Variants in TAFA1 observed in about 807,000 individuals in gnomAD.
The protein encoded by TAFA1 is chemokine-like protein TAFA-1.
A neutral mutation model predicts 18.5 loss-of-function variants in TAFA1; 4 were observed. The observed-to-expected ratio is 0.22, with a 90% CI of 0.11 to 0.49. The LOEUF (loss-of-function observed/expected upper bound fraction) is 0.49, where lower values mean the gene tolerates loss of function less well. TAFA1 is among the 20% of genes least tolerant of loss of function. The pLI, the probability that TAFA1 is intolerant of heterozygous loss-of-function variation, is 0.98. For synonymous variants in TAFA1, 56 were observed against 55.2 expected, an observed-to-expected ratio of 1.01 and a Z score of -0.06; for missense variants, 147 against 169.0, an observed-to-expected ratio of 0.87 and a Z score of 0.72.
chr3:68,349,836 C>T (rs262222), intron 2 of TAFA1, among the ~76,000 whole-genome samples: 2 of 151,938 alleles, frequency 1.3e-5, no homozygotes, highest in South Asian at 2.1e-4. Flanking sequence ...AGTGGGGATG[C>T]GGAAGGGAGC....
chr3:68,210,071 A>G (rs2066576871), intron 2 of TAFA1, among the ~76,000 whole-genome samples: 1 of 151,980 alleles, frequency 6.6e-6, no homozygotes, highest in South Asian at 2.1e-4. Context: ...GAGAAAGAGA[A>G]AAGGAGAAAA....
At chr3:68,038,749 C>T (rs1705104918) in intron 2 of TAFA1, among the ~76,000 whole-genome samples, 3 of 151,974 alleles carry the variant, frequency 2.0e-5, no homozygotes, top group African/African-American at 7.3e-5. Flanking sequence ...GGAAGATAAA[C>T]AACAACCCTA....
chr3:68,024,805 G>GCACAACA (rs1553546129), intron 2 of TAFA1, among the ~76,000 whole-genome samples: 5 of 73,582 alleles, frequency 6.8e-5, no homozygotes, highest in African/African-American at 2.0e-4. Flanking sequence ...TCTCCTTAAT[G>GCACAACA]CACACACACA....
intron 3 of TAFA1, among the ~76,000 whole-genome samples, chr3:68,498,750 T>G (rs2072600911): frequency 1.0e-5 from 1 of 97,982 alleles, no homozygotes; most frequent in South Asian, 3.2e-4. Flanking sequence ...TTTTTTTTTT[T>G]TTTTTTTGAG....
rs574487797 is a variant in TAFA1, at chr3:68,246,292, C to G, written c.119-170988C>G. Among the ~76,000 whole-genome samples the G allele has an allele frequency of 5.9e-5, 9 of 152,154 alleles. No homozygotes were observed. The South Asian group carries it at 1.7e-3, about 28-fold the overall frequency. On this transcript the variant is annotated intron_variant, in intron 2 of 4. Transcript: ENST00000478136. The stretch of plus-strand genomic sequence containing the variant: ...CAGTCCTTTGGTCTCAATATTTTTT[C>G]TATAAATTGAGAAGGTGGCCGGGCG...
At chr3:68,362,389 A>G (rs2069484534) in intron 2 of TAFA1, among the ~76,000 whole-genome samples, 1 of 152,158 alleles carries the variant, frequency 6.6e-6, no homozygotes, top group African/African-American at 2.4e-5. Context: ...GCTTTGAATG[A>G]TAACATTCTC....
intron 2 of TAFA1, among the ~76,000 whole-genome samples, chr3:68,158,683 G>T (rs930746279): frequency 5.9e-5 from 9 of 152,148 alleles, no homozygotes; most frequent in Admixed American, 5.9e-4. Flanking sequence ...ACTCTGAGAT[G>T]AGAAGGCCTC....
chr3:68,091,979 C>A (rs550906529), intron 2 of TAFA1, among the ~76,000 whole-genome samples: 7 of 152,100 alleles, frequency 4.6e-5, no homozygotes, highest in African/African-American at 7.2e-5. Flanking sequence ...TTAAGATACC[C>A]AGTCACAGAA....
intron 2 of TAFA1, among the ~76,000 whole-genome samples, chr3:68,246,640 A>G (rs1036456620): frequency 6.7e-6 from 1 of 148,228 alleles, no homozygotes; most frequent in Non-Finnish European, 1.5e-5. Context: ...GAAGGTAACT[A>G]CGGACTTCAT....
At chr3:68,235,067 T>C (rs1021159513) in intron 2 of TAFA1, among the ~76,000 whole-genome samples, 1 of 152,166 alleles carries the variant, frequency 6.6e-6, no homozygotes, top group Non-Finnish European at 1.5e-5. Flanking sequence ...TCTGAAGGTA[T>C]TGCTCTTAGA....
intron 2 of TAFA1, among the ~76,000 whole-genome samples, chr3:68,263,274 A>T (rs1273488215): frequency 6.6e-6 from 1 of 152,030 alleles, no homozygotes; most frequent in African/African-American, 2.4e-5. Flanking sequence ...TTTCACTGTG[A>T]TTTGCTAATA....
chr3:68,231,110 A>G (rs897241823), intron 2 of TAFA1, among the ~76,000 whole-genome samples: 43 of 152,086 alleles, frequency 2.8e-4, no homozygotes, highest in African/African-American at 1.0e-3. Flanking sequence ...ATGTTCCTGT[A>G]TTTATACAGG....
intron 2 of TAFA1, among the ~76,000 whole-genome samples, chr3:68,184,226 A>G (rs193145141): frequency 0.011 from 1,680 of 152,282 alleles, 34 homozygotes; most frequent in African/African-American, 0.039. Context: ...ACTAACATTT[A>G]TGATAATTCA....
At chr3:68,465,473 A>T (rs1415944497) in intron 3 of TAFA1, among the ~76,000 whole-genome samples, 1 of 152,194 alleles carries the variant, frequency 6.6e-6, no homozygotes, top group African/African-American at 2.4e-5. Flanking sequence ...CTGTGTGTAA[A>T]TTTGCTAGGT....
chr3:68,025,491 T>C (rs1704795078), intron 2 of TAFA1, among the ~76,000 whole-genome samples: 1 of 152,164 alleles, frequency 6.6e-6, no homozygotes, highest in Non-Finnish European at 1.5e-5. Flanking sequence ...AGTCATCTGT[T>C]CCAAACCCAC....
intron 2 of TAFA1, among the ~76,000 whole-genome samples, chr3:68,129,786 C>T (rs1043009411): frequency 3.9e-5 from 6 of 152,080 alleles, no homozygotes; most frequent in African/African-American, 1.2e-4. Flanking sequence ...TACTGGGTTC[C>T]ATGGGAATCG....
At chr3:68,455,693 T>C (rs190789229) in intron 3 of TAFA1, among the ~76,000 whole-genome samples, 1 of 152,282 alleles carries the variant, frequency 6.6e-6, no homozygotes, top group African/African-American at 2.4e-5. Flanking sequence ...TTTTCAAGAT[T>C]TTCTTGATTG....
At chr3:68,078,590 T>C (rs2064856785) in intron 2 of TAFA1, among the ~76,000 whole-genome samples, 1 of 152,118 alleles carries the variant, frequency 6.6e-6, no homozygotes, top group Non-Finnish European at 1.5e-5. Flanking sequence ...TGTCTTTGGC[T>C]CTGTTTATAT....
At position 68,025,632 on chromosome 3, in the gene TAFA1, C is replaced by G. The variant is rs11928318; in HGVS notation, c.118+18888C>G. On this transcript the variant is annotated intron_variant, in intron 2 of 4. Coordinates refer to ENST00000478136, the MANE Select transcript of TAFA1 (RefSeq NM_213609.4). ...ACTTCACTCTTCTTTGCTCACTCTCCTTTATCCACACTGGGCTCCTTGCTG... is the reference window on the plus strand; with the variant it reads ...ACTTCACTCTTCTTTGCTCACTCTCGTTTATCCACACTGGGCTCCTTGCTG... Among the ~76,000 whole-genome samples, 1,159 of 152,282 alleles carry G rather than the reference C, an allele frequency of 7.6e-3. 15 individuals are homozygous for G. Among genetic ancestry groups the G allele is most frequent in the African/African-American group, 0.026 (1,093 of 41,558 alleles).
Sources: allele counts gnomAD v4.1 joint callset (sites outside exome capture counted in the v4.1 genomes callset), GRCh38; gene constraint gnomAD v4.1.1; transcripts MANE v1.5; gene names NCBI Gene and HGNC (gene_info 2026-07-23, HGNC 2026-07-21).